FAAH2: variants seen among roughly 807,000 people sequenced by gnomAD.
FAAH2 encodes the protein fatty acid amide hydrolase 2.
FAAH2 carries 60 observed loss-of-function variants against 36.9 expected under a neutral mutation model. The observed-to-expected ratio is 1.63, with a 90% CI of 1.32 to 2.02. The LOEUF (loss-of-function observed/expected upper bound fraction) is 2.02. Among genes scored for constraint, FAAH2 ranks in the 30% most tolerant of loss-of-function variants. The pLI is 0.00. For missense variants in FAAH2, 689 were observed against 397.5 expected (o/e 1.73, Z -6.23); for synonymous variants, 214 against 143.8 (o/e 1.49, Z -3.49).
chrX:57,295,579 C>A (rs1289725754), intron 2 of FAAH2, among the ~76,000 whole-genome samples: 7 of 111,941 alleles, frequency 6.3e-5, no homozygotes, highest in African/African-American at 9.7e-5. Flanking sequence ...GTACTGGGTT[C>A]ATCTCACTGG....
At chrX:57,257,946 A>G in the FAAH2 span, among the ~76,000 whole-genome samples, 1 of 112,184 alleles carries the variant, frequency 8.9e-6, no homozygotes, top group Non-Finnish European at 1.9e-5. Flanking sequence ...TTCCAACATC[A>G]TTCTTACAGA....
chrX:57,207,993 T>C, the FAAH2 span, among the ~76,000 whole-genome samples: 4 of 112,724 alleles, frequency 3.5e-5, no homozygotes, highest in African/African-American at 6.4e-5. Flanking sequence ...AAGGCTCAAA[T>C]GTAGCTATAA....
At chrX:57,137,315 C>A in the FAAH2 span, 2 of 757,977 alleles carry the variant, frequency 2.6e-6, no homozygotes, top group Admixed American at 1.5e-4. Context: ...AGGCGACTCG[C>A]TGAGTGACTG....
chrX:57,216,525 T>C, the FAAH2 span, among the ~76,000 whole-genome samples: 303 of 67,095 alleles, frequency 4.5e-3, 9 homozygotes, highest in African/African-American at 0.025. Context: ...TATACGTATA[T>C]GTATATATAT....
chrX:57,482,702 T>A (rs2147282218), intron 10 of FAAH2, among the ~76,000 whole-genome samples: 1 of 80,062 alleles, frequency 1.2e-5, no homozygotes, highest in African/African-American at 3.7e-5. Context: ...TTGGCTTCAT[T>A]CCCTCAATTT....
intron 10 of FAAH2, among the ~76,000 whole-genome samples, chrX:57,475,214 C>G (rs1446375443): frequency 9.0e-6 from 1 of 111,626 alleles, no homozygotes; most frequent in Non-Finnish European, 1.9e-5. Flanking sequence ...TTGCATTTGT[C>G]AACTTCAGCT....
the FAAH2 span, among the ~76,000 whole-genome samples, chrX:57,123,708 G>C: frequency 8.9e-6 from 1 of 112,385 alleles, no homozygotes; most frequent in African/African-American, 3.2e-5. Flanking sequence ...ACAGGTGTGA[G>C]ATGGTATCTC....
chrX:57,350,485 A>T (rs1030169888), intron 5 of FAAH2, among the ~76,000 whole-genome samples: 6 of 110,892 alleles, frequency 5.4e-5, no homozygotes, highest in African/African-American at 1.6e-4. Context: ...ACAGTTGACA[A>T]TATGGCAGGA....
the FAAH2 span, among the ~76,000 whole-genome samples, chrX:57,271,904 T>C: frequency 1.8e-5 from 2 of 110,492 alleles, no homozygotes; most frequent in African/African-American, 6.6e-5. Context: ...GAGAATGCAT[T>C]TGATGAACTG....
At chrX:57,432,108 T>C in intron 8 of FAAH2, 71 bp downstream of exon 8, 3 of 942,086 alleles carry the variant, frequency 3.2e-6, no homozygotes, top group Non-Finnish European at 4.4e-6. Context: ...TTGTGGTCCA[T>C]ATGTTAGAGG....
chrX:57,163,769 C>G, the FAAH2 span, among the ~76,000 whole-genome samples: 1 of 112,227 alleles, frequency 8.9e-6, no homozygotes, highest in African/African-American at 3.2e-5. Context: ...TCTGGCACTA[C>G]CTAGTGAGAT....
At chrX:57,449,648 G>GTCCT (rs771796983) in intron 10 of FAAH2, among the ~76,000 whole-genome samples, 94 of 110,227 alleles carry the variant, frequency 8.5e-4, no homozygotes, top group South Asian at 7.0e-3. Flanking sequence ...CTTCCTTCCT[G>GTCCT]TCCTTCCTTC....
intron 10 of FAAH2, chrX:57,452,298 G>T (rs2056799700): frequency 1.3e-6 from 1 of 754,741 alleles, no homozygotes; most frequent in Non-Finnish European, 1.6e-6. Context: ...TGAAACTCAA[G>T]ATTTATATGT....
chrX:57,414,855 T>A (rs1218595703), intron 7 of FAAH2, among the ~76,000 whole-genome samples: 1 of 105,794 alleles, frequency 9.5e-6, no homozygotes, highest in African/African-American at 3.4e-5. Flanking sequence ...CTGGGCTTTT[T>A]TTTTTTTTTT....
chrX:57,400,957 C>A (rs972140553), intron 7 of FAAH2, among the ~76,000 whole-genome samples: 1 of 110,391 alleles, frequency 9.1e-6, no homozygotes, highest in Non-Finnish European at 1.9e-5. Context: ...CCCGTTTCTA[C>A]CAAAAATACA....
the FAAH2 span, among the ~76,000 whole-genome samples, chrX:57,210,088 C>A: frequency 2.7e-5 from 3 of 110,877 alleles, no homozygotes; most frequent in Non-Finnish European, 5.7e-5. Flanking sequence ...CGTTCCTCAC[C>A]TCTTCAGTGC....
intron 3 of FAAH2, among the ~76,000 whole-genome samples, chrX:57,314,763 A>T (rs1221633522): frequency 9.0e-6 from 1 of 111,489 alleles, no homozygotes; most frequent in East Asian, 2.8e-4. Flanking sequence ...ATCTTACCAA[A>T]GTCATTAAGG....
the FAAH2 span, among the ~76,000 whole-genome samples, chrX:57,134,224 T>G: frequency 9.0e-6 from 1 of 111,644 alleles, no homozygotes; most frequent in Admixed American, 9.5e-5. Context: ...TTTTGTGACA[T>G]TATACAGCTG....
intron 5 of FAAH2, among the ~76,000 whole-genome samples, chrX:57,378,342 G>T (rs896899339): frequency 2.7e-5 from 3 of 111,011 alleles, no homozygotes; most frequent in African/African-American, 9.8e-5. Flanking sequence ...TATAGGCTCT[G>T]CAGACCCTTA....
Sources: gnomAD v4.1 joint callset for allele counts (sites outside exome capture counted in the v4.1 genomes callset) on GRCh38, gnomAD v4.1.1 for gene constraint, MANE v1.5 for transcripts, NCBI Gene and HGNC (gene_info 2026-07-23, HGNC 2026-07-21) for gene names.